ARHGEF16: variants seen among roughly 807,000 people sequenced by gnomAD.
ARHGEF16 encodes Rho guanine nucleotide exchange factor 16.
A neutral mutation model predicts 74.1 loss-of-function variants in ARHGEF16; 59 were observed. The ratio of observed to expected loss-of-function variants is 0.80; its 90% CI spans 0.65 to 0.99. ARHGEF16 has a LOEUF of 0.99. Ranked by LOEUF, ARHGEF16 falls within the 50% of genes least tolerant of loss-of-function variation. The pLI, the probability that ARHGEF16 is intolerant of heterozygous loss-of-function variation, is 0.00. For missense variants in ARHGEF16, 948 were observed against 986.6 expected (o/e 0.96, Z 0.52); for synonymous variants, 415 against 412.6 (o/e 1.01, Z -0.07).
At chr1:3,466,905 A>G in intron 3 of ARHGEF16, 1 of 400,414 alleles carries the variant, frequency 2.5e-6, no homozygotes, top group South Asian at 5.8e-5. Context: ...GCGATGCCCC[A>G]CGTCTCAGGG....
At chr1:3,471,734 G>T in intron 6 of ARHGEF16, 3 of 1,208,880 alleles carry the variant, frequency 2.5e-6, no homozygotes, top group Admixed American at 3.4e-5. Context: ...CCCCAGCTGG[G>T]CCCCCGACAG....
chr1:3,477,872 C>A lies in ARHGEF16; in HGVS notation c.1474-3C>A, dbSNP rs760980509. 11 of 1,602,994 alleles carry A rather than the reference C, an allele frequency of 6.9e-6. 1 individual carries two copies. Among genetic ancestry groups the A allele is most frequent in the African/African-American group, 5.4e-5 (4 of 74,742 alleles). Reference sequence around the variant, plus strand: ...TCTCCGCCTCCCGGCTCTGTCCCCCCAGTCCCTCCCACTGATCTCTGCCTC... The same window carrying A: ...TCTCCGCCTCCCGGCTCTGTCCCCCAAGTCCCTCCCACTGATCTCTGCCTC... On this transcript the variant is annotated splice_region_variant and splice_polypyrimidine_tract_variant and intron_variant, in intron 10 of 14. Coordinates refer to ENST00000378378, the MANE Select transcript of ARHGEF16 (RefSeq NM_014448.4).
At chr1:3,467,485 C>A (rs1340534780) in intron 4 of ARHGEF16, 148 bp downstream of exon 4, 1 of 1,011,704 alleles carries the variant, frequency 9.9e-7, no homozygotes, top group Non-Finnish European at 1.4e-6. Context: ...AGAAGCCCCT[C>A]GGCTGTGGGT....
intron 10 of ARHGEF16, among the ~76,000 whole-genome samples, 158 bp from the exon 11 acceptor site, chr1:3,477,717 G>C (rs1178392886): frequency 6.6e-6 from 1 of 152,016 alleles, no homozygotes; most frequent in Non-Finnish European, 1.5e-5. Context: ...CCTCTGTCCA[G>C]CCCCGACTGA....
Position 3,460,879 on chromosome 1 carries a change from G to A in ARHGEF16, c.-19-2187G>A, listed in dbSNP as rs552311989. 5.4e-4 allele frequency among the ~76,000 whole-genome samples: 82 copies of A among 152,284 alleles called. 1 individual carries two copies. Among genetic ancestry groups the A allele is most frequent in the Middle Eastern group, 3.4e-3 (1 of 294 alleles). On this transcript the variant is annotated intron_variant, in intron 1 of 14. Coordinates refer to ENST00000378378, the MANE Select transcript of ARHGEF16 (RefSeq NM_014448.4). ...GAGGCTCAGCCGCACGTGCCTTCCTGGGATGGTTTTAGCAGAGAATTTGTG... is the reference window on the plus strand; with the variant it reads ...GAGGCTCAGCCGCACGTGCCTTCCTAGGATGGTTTTAGCAGAGAATTTGTG...
chr1:3,467,164 C>G lies in ARHGEF16; in HGVS notation c.635-4C>G. On this transcript the variant is annotated splice_region_variant and splice_polypyrimidine_tract_variant and intron_variant, in intron 3 of 14. Transcript: ENST00000378378. ...GCCACAGGTTACCCTCCTTCTCTCT[C>G]TAGACCCCCAGCTCTACCAGGAGAT... 6.5e-7 allele frequency: 1 copy of G among 1,550,178 alleles called. No individual in the cohort carries two copies. The highest frequency in any genetic ancestry group is 2.4e-5 in the East Asian group (1 of 40,910).
rs777819366 is a variant in ARHGEF16, at chr1:3,479,476, A to G, written c.1815-41A>G. ...AGTCAAGGAACATCAGACGGGCAGG[A>G]TCGGTCTCCAGGCCTGGCTCATGCT... On this transcript the variant is annotated intron_variant, in intron 12 of 14. Coordinates refer to ENST00000378378, the MANE Select transcript of ARHGEF16 (RefSeq NM_014448.4). 1.9e-6 allele frequency: 3 copies of G among 1,607,240 alleles called. No homozygotes were observed. The African/African-American group carries it at 4.0e-5, about 21-fold the overall frequency.
chr1:3,456,334 G>A (rs1378569300), intron 1 of ARHGEF16, among the ~76,000 whole-genome samples: 1 of 152,364 alleles, frequency 6.6e-6, no homozygotes, highest in East Asian at 1.9e-4. Context: ...CTGTGTTCAC[G>A]TTGTGATCCA....
At chr1:3,476,234 T>C (rs527295205) in intron 10 of ARHGEF16, among the ~76,000 whole-genome samples, 172 bp downstream of exon 10, 2 of 152,260 alleles carry the variant, frequency 1.3e-5, no homozygotes, top group Admixed American at 1.3e-4. Context: ...TCTCCAGGCC[T>C]CAGTCTCCCG....
rs913287793 is a variant in ARHGEF16, at chr1:3,480,972, C to G, written c.*385C>G. 9.4e-6 allele frequency: 2 copies of G among 212,880 alleles called. No homozygotes were observed. The highest frequency in any genetic ancestry group is 2.3e-5 in the African/African-American group (1 of 43,504). The allele number at this position is 212,880 out of a possible 1,614,324, so 13.2% of individuals were successfully genotyped here. A position where few individuals can be genotyped will look rare whatever the true frequency, so the allele number is the denominator to read the frequency against. The stretch of plus-strand genomic sequence containing the variant: ...ATGCGAGGTCTCCTCCTATGCCCTT[C>G]CTACCCCTGAGTGGGACAAGAAGGG... On this transcript the variant is annotated 3_prime_UTR_variant, in exon 15 of 15. Transcript: ENST00000378378.
intron 1 of ARHGEF16, among the ~76,000 whole-genome samples, chr1:3,455,040 C>G (rs1639234792): frequency 6.6e-6 from 1 of 151,886 alleles, no homozygotes. Flanking sequence ...ACTTTGGACC[C>G]GCCCCCCCAC....
chr1:3,473,257 G>T, intron 7 of ARHGEF16, 27 bp downstream of exon 7: 1 of 1,608,936 alleles, frequency 6.2e-7, no homozygotes, highest in Non-Finnish European at 8.5e-7. Flanking sequence ...GAGGCCCGCA[G>T]GGTGGCTCAG....
Position 3,480,439 on chromosome 1 carries a change from C to T in ARHGEF16, c.1991-9C>T, listed in dbSNP as rs780675678. 101 of 1,612,064 alleles carry T rather than the reference C, an allele frequency of 6.3e-5. No homozygotes were observed. Among genetic ancestry groups the T allele is most frequent in the Admixed American group, 1.5e-4 (9 of 59,980 alleles). On this transcript the variant is annotated splice_polypyrimidine_tract_variant and intron_variant, in intron 14 of 14. Transcript: ENST00000378378. ...CCCTCACCTCCCTCCCACCCCTATC[C>T]GGGTTCAGGGTGGCTCTATGGCGAG... is the stretch of plus-strand genomic sequence containing the variant.
At chr1:3,470,863 C>T (rs556127183) in intron 6 of ARHGEF16, among the ~76,000 whole-genome samples, 36 of 124,554 alleles carry the variant, frequency 2.9e-4, no homozygotes, top group African/African-American at 6.6e-4. Context: ...GGTGTGTGTG[C>T]GTGGGCAGGG....
In ARHGEF16 at chr1:3,473,178, A is replaced by G. The variant is rs1639782854; in HGVS notation, c.1123A>G (p.Ile375Val). 1.2e-6 allele frequency: 2 copies of G among 1,613,166 alleles called. No homozygotes were observed. Among genetic ancestry groups the G allele is most frequent in the African/African-American group, 1.3e-5 (1 of 75,044 alleles). The change falls in exon 7 of 15, where the codon ATC becomes GTC. Residue 375 changes from isoleucine to valine, a missense_variant. Coordinates refer to ENST00000378378, the MANE Select transcript of ARHGEF16 (RefSeq NM_014448.4). The part of the protein sequence containing the change: ...EHAEKHFHPY[I>V]AYCSNEVYQQ... ...CGCTGAGAAGCACTTCCACCCCTAC[A>G]TCGCCTACTGCTCCAACGAGGTCTA...
Position 3,463,510 on chromosome 1 carries a change from G to T in ARHGEF16, c.426G>T (p.Gly142=). The change falls in exon 2 of 15, where the codon GGG becomes GGT. Residue 142 remains glycine, a synonymous_variant. Coordinates refer to ENST00000378378, the MANE Select transcript of ARHGEF16 (RefSeq NM_014448.4). ...LDDMDVDKDP[G]GMLRRNLRNQ... ...ACATGGACGTGGACAAGGACCCCGG[G>T]GGCATGCTGAGGCGGAACCTGCGGA... The T allele has an allele frequency of 6.7e-7, 1 of 1,491,004 alleles. No homozygotes were observed. Among genetic ancestry groups the T allele is most frequent in the Non-Finnish European group, 8.9e-7 (1 of 1,117,652 alleles). The allele number at this position is 1,491,004 out of a possible 1,614,324, so 92.4% of individuals were successfully genotyped here.
rs539387410 is a variant in ARHGEF16, at chr1:3,469,737, C to T, written c.1022+144C>T. Reference sequence around the variant, plus strand: ...GGTTTAGAGCAGCTGCTGGCTCCCGCGGAGTGTGATGACCTCTGAGGGTCC... The same window carrying T: ...GGTTTAGAGCAGCTGCTGGCTCCCGTGGAGTGTGATGACCTCTGAGGGTCC... On this transcript the variant is annotated intron_variant, in intron 6 of 14. Transcript: ENST00000378378. 97 of 1,195,830 alleles carry T rather than the reference C, an allele frequency of 8.1e-5. 1 individual carries two copies. Among genetic ancestry groups the T allele is most frequent in the Middle Eastern group, 5.7e-4 (2 of 3,504 alleles). The allele number at this position is 1,195,830 out of a possible 1,614,324, so 74.1% of individuals were successfully genotyped here.
Position 3,469,555 on chromosome 1 carries a change from C to T in ARHGEF16, c.984C>T (p.Leu328=), listed in dbSNP as rs1020999144. ...ATVTQMEHHH[L]FSNILDVLGA... is the part of the protein sequence containing the mutation. ...TGACCCAGATGGAGCACCACCACCT[C>T]TTCTCCAACATCCTGGATGTCCTGG... Residue 328 remains leucine, a synonymous_variant, in exon 6 of 15, where the codon CTC becomes CTT. Transcript: ENST00000378378. 4 of 1,612,998 alleles carry T rather than the reference C, an allele frequency of 2.5e-6. No individual in the cohort carries two copies. The African/African-American group carries it at 4.0e-5, about 16-fold the overall frequency.
At chr1:3,463,898 G>A (rs72852405) in intron 2 of ARHGEF16, among the ~76,000 whole-genome samples, 10,615 of 152,280 alleles carry the variant, frequency 0.07, 1,220 homozygotes, top group African/African-American at 0.24. Context: ...GGGTTCTACC[G>A]AGGCCCCCAG....
Sources: gnomAD v4.1 joint callset for allele counts (sites outside exome capture counted in the v4.1 genomes callset) on GRCh38, gnomAD v4.1.1 for gene constraint, MANE v1.5 for transcripts, NCBI Gene and HGNC (gene_info 2026-07-23, HGNC 2026-07-21) for gene names.